The following EGFLAM variants were observed in gnomAD, a reference collection of about 807,000 sequenced individuals.
EGFLAM encodes the protein pikachurin.
EGFLAM carries 79 observed loss-of-function variants against 113.1 expected under a neutral mutation model. The observed-to-expected ratio is 0.70, with a 90% CI of 0.58 to 0.84. The LOEUF is 0.84. EGFLAM is among the 40% of genes least tolerant of loss of function. The pLI, the probability that EGFLAM is intolerant of heterozygous loss-of-function variation, is 0.00. For synonymous variants in EGFLAM, 504 were observed against 487.6 expected (o/e 1.03, Z -0.44); for missense variants, 1,265 against 1,291.6 (o/e 0.98, Z 0.32).
At chr5:38,411,643 C>G (rs558261976) in intron 10 of EGFLAM, among the ~76,000 whole-genome samples, 1 of 151,368 alleles carries the variant, frequency 6.6e-6, no homozygotes, top group South Asian at 2.1e-4. Context: ...CCATCGTGCT[C>G]AGTTAACTTT....
intron 5 of EGFLAM, among the ~76,000 whole-genome samples, chr5:38,358,410 G>A (rs1425776783): frequency 2.4e-5 from 3 of 122,948 alleles, no homozygotes; most frequent in Non-Finnish European, 4.7e-5. Context: ...TCGCGCCACT[G>A]CACTCCAGCC....
chr5:38,431,227 G>A lies in EGFLAM; in HGVS notation c.2105G>A (p.Arg702His), dbSNP rs748655132. Residue 702 changes from arginine to histidine, a missense_variant, in exon 15 of 22, where the codon CGC (arginine) becomes CAC (histidine). Coordinates refer to ENST00000322350, the MANE Select transcript of EGFLAM (RefSeq NM_152403.4). ...LGNWHELRVS[R>H]TAKNGILQVD... Reference sequence around the variant, plus strand: ...AACTGGCACGAGCTTCGTGTATCTCGCACAGCAAAGAATGGAATCTTACAG... The same window carrying A: ...AACTGGCACGAGCTTCGTGTATCTCACACAGCAAAGAATGGAATCTTACAG... 26 of 1,614,166 alleles carry A rather than the reference G, an allele frequency of 1.6e-5. No homozygotes were observed. Among genetic ancestry groups the A allele is most frequent in the Non-Finnish European group, 1.9e-5 (22 of 1,180,020 alleles).
intron 3 of EGFLAM, among the ~76,000 whole-genome samples, chr5:38,342,601 A>T (rs1413907795): frequency 6.6e-6 from 1 of 152,202 alleles, no homozygotes; most frequent in East Asian, 1.9e-4. Flanking sequence ...GCAGCATTTC[A>T]AGCCCACCTT....
intron 12 of EGFLAM, among the ~76,000 whole-genome samples, chr5:38,421,215 C>T (rs1274793189): frequency 6.6e-6 from 1 of 152,248 alleles, no homozygotes; most frequent in Non-Finnish European, 1.5e-5. Flanking sequence ...GTTCCTTCCA[C>T]TTCATATCCT....
intron 1 of EGFLAM, among the ~76,000 whole-genome samples, chr5:38,325,261 C>T (rs1738848745): frequency 6.6e-6 from 1 of 152,172 alleles, no homozygotes; most frequent in Non-Finnish European, 1.5e-5. Context: ...ATTCAACAGA[C>T]TCTAGACCTC....
At chr5:38,311,568 A>C (rs1738446792) in intron 1 of EGFLAM, among the ~76,000 whole-genome samples, 1 of 152,012 alleles carries the variant, frequency 6.6e-6, no homozygotes, top group South Asian at 2.1e-4. Flanking sequence ...GTGTGTGTAC[A>C]TTTTCTTTGT....
intron 1 of EGFLAM, among the ~76,000 whole-genome samples, chr5:38,292,850 C>T (rs1357393183): frequency 1.3e-5 from 2 of 152,118 alleles, no homozygotes; most frequent in African/African-American, 4.8e-5. Context: ...AATTATTACA[C>T]TAGATGAGGT....
At chr5:38,401,067 C>T (rs1301674542) in intron 6 of EGFLAM, 1 of 152,174 alleles carries the variant, frequency 6.6e-6, no homozygotes, top group Non-Finnish European at 1.5e-5. Flanking sequence ...GACCAAAGAA[C>T]ATTATCCATT....
intron 6 of EGFLAM, among the ~76,000 whole-genome samples, chr5:38,394,789 CTT>C (rs1306467891): frequency 1.4e-5 from 2 of 147,896 alleles, no homozygotes; most frequent in Non-Finnish European, 3.0e-5. Context: ...GCCCACAACT[CTT>C]CGCATCTTAC....
intron 1 of EGFLAM, among the ~76,000 whole-genome samples, chr5:38,277,088 A>G (rs1757903423): frequency 6.6e-6 from 1 of 152,202 alleles, no homozygotes; most frequent in African/African-American, 2.4e-5. Context: ...CCCTGATACC[A>G]AAAATCAGAT....
At chr5:38,372,080 G>A (rs1348862173) in intron 6 of EGFLAM, among the ~76,000 whole-genome samples, 1 of 151,920 alleles carries the variant, frequency 6.6e-6, no homozygotes, top group Non-Finnish European at 1.5e-5. Flanking sequence ...TGCTGATTTA[G>A]ATGTGCGCAT....
intron 6 of EGFLAM, among the ~76,000 whole-genome samples, chr5:38,391,555 C>T (rs10214407): frequency 0.24 from 36,807 of 151,262 alleles, 4,782 homozygotes; most frequent in African/African-American, 0.33. Flanking sequence ...CCTACTACCA[C>T]GTCTGGCTGA....
chr5:38,292,292 T>C (rs1251207055), intron 1 of EGFLAM, among the ~76,000 whole-genome samples: 2 of 152,234 alleles, frequency 1.3e-5, no homozygotes, highest in Non-Finnish European at 2.9e-5. Flanking sequence ...GTTAAATGAG[T>C]TGCCTTCTGA....
intron 1 of EGFLAM, among the ~76,000 whole-genome samples, chr5:38,318,822 T>C (rs1381894256): frequency 6.6e-6 from 1 of 152,126 alleles, no homozygotes; most frequent in African/African-American, 2.4e-5. Flanking sequence ...TTTAATGTGA[T>C]TCTCTCTTTC....
At chr5:38,415,319 C>A (rs140474664) in intron 11 of EGFLAM, among the ~76,000 whole-genome samples, 1 of 149,154 alleles carries the variant, frequency 6.7e-6, no homozygotes, top group East Asian at 2.0e-4. Context: ...GCTTAGATTG[C>A]GCTACTGCAC....
intron 6 of EGFLAM, among the ~76,000 whole-genome samples, chr5:38,392,800 A>G (rs1362444073): frequency 6.6e-6 from 1 of 152,164 alleles, no homozygotes; most frequent in Non-Finnish European, 1.5e-5. Flanking sequence ...CATCATTTAC[A>G]TTAGGTATAT....
chr5:38,381,365 A>G (rs1579845493), intron 6 of EGFLAM, among the ~76,000 whole-genome samples: 1 of 152,334 alleles, frequency 6.6e-6, no homozygotes, highest in East Asian at 1.9e-4. Flanking sequence ...TAACACAGAC[A>G]CATAGGAGGG....
intron 19 of EGFLAM, 147 bp downstream of exon 19, chr5:38,451,605 G>C (rs1306143592): frequency 1.2e-5 from 15 of 1,207,352 alleles, no homozygotes; most frequent in Admixed American, 1.1e-4. Context: ...GGAAGCTCCT[G>C]GTCTTTCTTT....
chr5:38,352,652 A>C (rs1739660718), intron 5 of EGFLAM, among the ~76,000 whole-genome samples: 1 of 152,052 alleles, frequency 6.6e-6, no homozygotes, highest in Non-Finnish European at 1.5e-5. Context: ...ATCCCAAAAA[A>C]AAAAAAAAAG....
Sources: gnomAD v4.1 joint callset for allele counts (sites outside exome capture counted in the v4.1 genomes callset) on GRCh38, gnomAD v4.1.1 for gene constraint, MANE v1.5 for transcripts, NCBI Gene and HGNC (gene_info 2026-07-23, HGNC 2026-07-21) for gene names.